Variants in ARB2A observed in about 807,000 individuals in gnomAD.
ARB2A encodes ARB2 cotranscriptional regulator A, also known as cotranscriptional regulator ARB2A.
At chr5:94,108,587 A>C in the ARB2A span, among the ~76,000 whole-genome samples, 1 of 152,220 alleles carries the variant, frequency 6.6e-6, no homozygotes. Context: ...CCAAAAATAT[A>C]TACCAGTGGT....
At chr5:93,766,117 C>G in the ARB2A span, among the ~76,000 whole-genome samples, 1 of 152,156 alleles carries the variant, frequency 6.6e-6, no homozygotes, top group African/African-American at 2.4e-5. Context: ...CCATTCAGGA[C>G]ATAGGCATGG....
At chr5:93,846,619 T>C in the ARB2A span, among the ~76,000 whole-genome samples, 2 of 152,140 alleles carry the variant, frequency 1.3e-5, no homozygotes, top group Non-Finnish European at 2.9e-5. Context: ...AAAGGTGTAA[T>C]TAAGTTATTT....
At chr5:93,653,185 G>C in the ARB2A span, among the ~76,000 whole-genome samples, 3 of 151,866 alleles carry the variant, frequency 2.0e-5, no homozygotes, top group Non-Finnish European at 2.9e-5. Flanking sequence ...GAATATTTTG[G>C]TACAACTTAT....
the ARB2A span, among the ~76,000 whole-genome samples, chr5:94,045,580 C>T: frequency 6.6e-6 from 1 of 152,002 alleles, no homozygotes. Flanking sequence ...ATTTTCTTTT[C>T]TTCAATAAGA....
chr5:93,771,699 G>GA, the ARB2A span, among the ~76,000 whole-genome samples: 13 of 152,162 alleles, frequency 8.5e-5, no homozygotes, highest in African/African-American at 2.7e-4. Context: ...AAAAACACAT[G>GA]AAAAAATGCT....
At chr5:93,950,056 T>C in the ARB2A span, among the ~76,000 whole-genome samples, 54 of 152,328 alleles carry the variant, frequency 3.5e-4, no homozygotes, top group African/African-American at 1.3e-3. Flanking sequence ...CTCTTTTCTA[T>C]GGCTGAATAG....
chr5:93,663,735 T>A, the ARB2A span, among the ~76,000 whole-genome samples: 2 of 152,224 alleles, frequency 1.3e-5, no homozygotes, highest in Non-Finnish European at 2.9e-5. Flanking sequence ...TTGGTGATAA[T>A]TAGCTAAATG....
the ARB2A span, among the ~76,000 whole-genome samples, chr5:93,970,498 A>C: frequency 6.6e-6 from 1 of 152,344 alleles, no homozygotes; most frequent in South Asian, 2.1e-4. Flanking sequence ...ATAACTTTTA[A>C]ATGCTTAAAA....
the ARB2A span, among the ~76,000 whole-genome samples, chr5:93,917,258 C>G: frequency 3.9e-5 from 6 of 152,152 alleles, no homozygotes; most frequent in African/African-American, 1.2e-4. Flanking sequence ...CAGTGCAGTA[C>G]AGTTCATCTC....
At chr5:94,005,025 AAG>A in the ARB2A span, among the ~76,000 whole-genome samples, 18 of 110,126 alleles carry the variant, frequency 1.6e-4, no homozygotes, top group Non-Finnish European at 2.3e-4. Flanking sequence ...AAAAAAAAAA[AAG>A]AGAGAGGACA....
the ARB2A span, chr5:93,620,191 C>G: frequency 6.6e-6 from 1 of 152,174 alleles, no homozygotes; most frequent in Non-Finnish European, 1.5e-5. Context: ...GAAAATGGGA[C>G]CTTCACACCT....
chr5:94,004,788 T>C, the ARB2A span, among the ~76,000 whole-genome samples: 1 of 151,650 alleles, frequency 6.6e-6, no homozygotes, highest in African/African-American at 2.4e-5. Flanking sequence ...CAAATCAATA[T>C]ATTACTTGTT....
At chr5:94,108,247 A>C in the ARB2A span, among the ~76,000 whole-genome samples, 1 of 152,162 alleles carries the variant, frequency 6.6e-6, no homozygotes. Context: ...TCAGCCATTT[A>C]ATATACTCCT....
the ARB2A span, among the ~76,000 whole-genome samples, chr5:93,871,949 CTT>C: frequency 1.7e-4 from 22 of 132,076 alleles, no homozygotes; most frequent in Admixed American, 4.6e-4. Flanking sequence ...GGAATTTTTT[CTT>C]TTTTTTTTTT....
the ARB2A span, among the ~76,000 whole-genome samples, chr5:93,652,983 G>A: frequency 1.3e-5 from 2 of 152,094 alleles, no homozygotes; most frequent in South Asian, 4.2e-4. Flanking sequence ...TTAAATGTAA[G>A]ATGTTTTCTA....
chr5:93,900,613 CAAA>C, the ARB2A span, among the ~76,000 whole-genome samples: 3 of 65,426 alleles, frequency 4.6e-5, no homozygotes, highest in African/African-American at 6.1e-5. Flanking sequence ...GACGCTGTCT[CAAA>C]AAAAAAAAAA....
chr5:93,973,498 G>T, the ARB2A span, among the ~76,000 whole-genome samples: 1 of 152,126 alleles, frequency 6.6e-6, no homozygotes, highest in Non-Finnish European at 1.5e-5. Context: ...ACATATTTGA[G>T]GATATAATTA....
chr5:93,672,721 A>G, the ARB2A span, among the ~76,000 whole-genome samples: 1 of 152,240 alleles, frequency 6.6e-6, no homozygotes, highest in Non-Finnish European at 1.5e-5. Context: ...GTCCAGAACT[A>G]AACTGTGCTT....
the ARB2A span, among the ~76,000 whole-genome samples, chr5:93,898,271 CT>C: frequency 1.3e-5 from 2 of 151,812 alleles, no homozygotes; most frequent in Admixed American, 6.6e-5. Context: ...TCCTTACTAT[CT>C]TTTTGTTTTG....
Sources: allele counts gnomAD v4.1 joint callset (sites outside exome capture counted in the v4.1 genomes callset), GRCh38; gene constraint gnomAD v4.1.1; transcripts MANE v1.5; gene names NCBI Gene and HGNC (gene_info 2026-07-23, HGNC 2026-07-21).